FRMD8: variants seen among roughly 807,000 people sequenced by gnomAD.
FRMD8 encodes the protein FERM domain-containing protein 8.
A neutral mutation model predicts 54.2 loss-of-function variants in FRMD8; 37 were observed. The observed-to-expected ratio is 0.68, with a 90% CI of 0.53 to 0.90. The LOEUF is 0.90. Among genes scored for constraint, FRMD8 ranks in the 40% least tolerant of loss-of-function variants. FRMD8 has a pLI of 0.00. For synonymous variants in FRMD8, 246 were observed against 286.9 expected (o/e 0.86, Z 1.44); for missense variants, 585 against 653.7 (o/e 0.89, Z 1.15).
At position 65,394,021 on chromosome 11, in the gene FRMD8, G is replaced by A; in HGVS notation, c.356-20G>A. ...AAGCAGAGTGGGGATGCCCGGCAGT[G>A]ACCCAGCCTCTCTCCCCAGATGAGC... On this transcript the variant is annotated intron_variant, in intron 4 of 10. Coordinates refer to ENST00000317568, the MANE Select transcript of FRMD8 (RefSeq NM_031904.5). 1 of 1,613,828 alleles carries A rather than the reference G, an allele frequency of 6.2e-7. No homozygotes were observed. The highest frequency in any genetic ancestry group is 8.5e-7 in the Non-Finnish European group (1 of 1,179,742).
Position 65,393,597 on chromosome 11 carries a change from A to C in FRMD8, c.278A>C (p.Gln93Pro). Residue 93 changes from glutamine to proline, a missense_variant, in exon 4 of 11, where the codon CAG becomes CCG. Gln to Pro is a moderately conservative substitution (Grantham distance 76). Transcript: ENST00000317568. ...LLEVQLKPKH[Q>P]PYKLGRQWPE... ...GAGGTGCAGCTGAAACCCAAGCACC[A>C]GCCCTACAAGCTGGGACGCCAGTGG... is the stretch of plus-strand genomic sequence containing the variant. 1 of 1,608,960 alleles carries C rather than the reference A, an allele frequency of 6.2e-7. No individual in the cohort carries two copies. Among genetic ancestry groups the C allele is most frequent in the Non-Finnish European group, 8.5e-7 (1 of 1,179,948 alleles).
At chr11:65,408,648 T>C (rs761247715) in intron 10 of FRMD8, among the ~76,000 whole-genome samples, 7 of 151,900 alleles carry the variant, frequency 4.6e-5, no homozygotes, top group Non-Finnish European at 1.0e-4. Flanking sequence ...GATTTCACTC[T>C]AGTGCCTAGA....
Position 65,413,120 on chromosome 11 carries a change from C to G in FRMD8, c.*1760C>G, listed in dbSNP as rs574501457. On this transcript the variant is annotated 3_prime_UTR_variant, in exon 11 of 11. Transcript: ENST00000317568. Reference sequence around the variant, plus strand: ...TCTCCTGCCTCAGCCTCCTGAGTAGCTGGGATTACAGGTGCATGCCACCAG... The same window carrying G: ...TCTCCTGCCTCAGCCTCCTGAGTAGGTGGGATTACAGGTGCATGCCACCAG... 94 of 152,468 alleles carry G rather than the reference C, an allele frequency of 6.2e-4. No homozygotes were observed. The highest frequency in any genetic ancestry group is 2.1e-3 in the African/African-American group (88 of 41,584). 9.4% of individuals were successfully genotyped at this position (152,468 alleles called of 1,614,324 possible). A position where few individuals can be genotyped will look rare whatever the true frequency, so the allele number is the denominator to read the frequency against.
chr11:65,395,478 G>A (rs1007413927), intron 6 of FRMD8, among the ~76,000 whole-genome samples: 1 of 152,210 alleles, frequency 6.6e-6, no homozygotes, highest in African/African-American at 2.4e-5. Context: ...GATGGAGGTT[G>A]CAGTGAGCCG....
Position 65,411,307 on chromosome 11 carries a change from G to A in FRMD8, c.1342G>A (p.Gly448Ser). 6.2e-7 allele frequency: 1 copy of A among 1,609,164 alleles called. No homozygotes were observed. Among genetic ancestry groups the A allele is most frequent in the Non-Finnish European group, 8.5e-7 (1 of 1,179,072 alleles). ...CTTCTTCAGCCGGCAGCTGTCCTTG[G>A]GCCAGGGGAGCTACACCGTGGTGCA... Reference protein sequence around the residue: ...TSFFSRQLSLGQGSYTVVQPG... With the variant: ...TSFFSRQLSLSQGSYTVVQPG... Residue 448 changes from glycine to serine, a missense_variant, in exon 11 of 11, where the codon GGC (glycine) becomes AGC (serine). Gly to Ser is a moderately conservative substitution (Grantham distance 56). Coordinates refer to ENST00000317568, the MANE Select transcript of FRMD8 (RefSeq NM_031904.5).
At chr11:65,401,166 G>T (rs1055799005) in intron 9 of FRMD8, among the ~76,000 whole-genome samples, 28 of 152,048 alleles carry the variant, frequency 1.8e-4, no homozygotes, top group Middle Eastern at 3.4e-3. Flanking sequence ...CTCCCCTCCT[G>T]TCCCCAAGAC....
chr11:65,371,675 C>T, the FRMD8 span, among the ~76,000 whole-genome samples: 25 of 152,156 alleles, frequency 1.6e-4, no homozygotes, highest in Non-Finnish European at 3.5e-4. Flanking sequence ...AGTGCAATGG[C>T]GCGATTTTGG....
chr11:65,393,665 G>T lies in FRMD8; in HGVS notation c.346G>T (p.Val116Leu). ...CTTCACCAGTGCCCCAGACGATGAC[G>T]TGGCCATGGGTCAGTGCTGCTGCCT... is the stretch of plus-strand genomic sequence containing the variant. ...LRFTSAPDDD[V>L]AMDEPFLQFR... The change falls in exon 4 of 11, where the codon GTG becomes TTG. Residue 116 changes from valine (V) to leucine (L), a missense_variant. Transcript: ENST00000317568. 1 of 1,604,296 alleles carries T rather than the reference G, an allele frequency of 6.2e-7. No individual in the cohort carries two copies.
rs1005782168 is a variant in FRMD8 at position 65,396,112 on chromosome 11, C to T, written c.582-687C>T. On this transcript the variant is annotated intron_variant, in intron 6 of 10. Transcript: ENST00000317568. ...GGGGTGAAGAGGGGCCTGGTGACTC[C>T]TCGTGTCTTTCCCTTCGGCTCCTAT... 2.0e-5 allele frequency among the ~76,000 whole-genome samples: 3 copies of T among 152,204 alleles called. No homozygotes were observed. In the East Asian group the frequency reaches 5.8e-4, roughly 29 times the overall value.
intron 2 of FRMD8, among the ~76,000 whole-genome samples, chr11:65,388,398 A>G (rs1443403566): frequency 6.6e-6 from 1 of 152,172 alleles, no homozygotes; most frequent in African/African-American, 2.4e-5. Flanking sequence ...GGGTCCGAGG[A>G]GCACCTTCTC....
At chr11:65,390,259 C>G (rs1290674694) in intron 3 of FRMD8, among the ~76,000 whole-genome samples, 3 of 152,158 alleles carry the variant, frequency 2.0e-5, no homozygotes, top group South Asian at 2.1e-4. Context: ...CCCAGGGTCC[C>G]TCAGTGAACA....
chr11:65,381,939 C>T, upstream of FRMD8: 3 of 1,614,094 alleles, frequency 1.9e-6, no homozygotes, highest in East Asian at 4.5e-5. Context: ...GCCACAAATT[C>T]CTCCACCGGC....
chr11:65,400,923 T>G lies in FRMD8; in HGVS notation c.1071+56T>G, dbSNP rs1590656362. ...GGAGGCTGGGCCCAGGTGCCCTGGG[T>G]CCCAGACAATTAGAGGCACCAGGCT... On this transcript the variant is annotated intron_variant, in intron 9 of 10. Transcript: ENST00000317568. The surrounding 1 kb of genome is among the most constrained non-coding windows in gnomAD (Gnocchi z 4.3). 1 of 1,523,398 alleles carries G rather than the reference T, an allele frequency of 6.6e-7. No homozygotes were observed. Among genetic ancestry groups the G allele is most frequent in the Non-Finnish European group, 8.8e-7 (1 of 1,133,024 alleles). 94.4% of individuals were successfully genotyped at this position (1,523,398 alleles called of 1,614,324 possible). A position where few individuals can be genotyped will look rare whatever the true frequency, so the allele number is the denominator to read the frequency against.
the FRMD8 span, chr11:65,377,274 C>T: frequency 1.4e-6 from 2 of 1,416,000 alleles, no homozygotes; most frequent in African/African-American, 2.9e-5. Context: ...GGCCACCTCC[C>T]TTGGCATCAG....
upstream of FRMD8, among the ~76,000 whole-genome samples, chr11:65,385,149 A>C (rs1855710144): frequency 6.6e-6 from 1 of 152,130 alleles, no homozygotes; most frequent in African/African-American, 2.4e-5. Context: ...AACAACACTG[A>C]ACTCTTCTGC....
rs570912472 is a variant in FRMD8 at position 65,404,452 on chromosome 11, G to T, written c.1072-412G>T. Among the ~76,000 whole-genome samples, 1 of 152,092 alleles carries T rather than the reference G, an allele frequency of 6.6e-6. No individual in the cohort carries two copies. Among genetic ancestry groups the T allele is most frequent in the African/African-American group, 2.4e-5 (1 of 41,494 alleles). ...CAGGGAGCCGCCCGCCCCTGCCCTG[G>T]TGACATCGCGCCCCTTCCTCCTGGC... On this transcript the variant is annotated intron_variant, in intron 9 of 10. Transcript: ENST00000317568. The surrounding 1 kb of genome is among the most constrained non-coding windows in gnomAD (Gnocchi z 4.7).
At chr11:65,380,284 C>T in the FRMD8 span, 1 of 1,505,592 alleles carries the variant, frequency 6.6e-7, no homozygotes, top group South Asian at 1.1e-5. Context: ...AGAGCAGGGC[C>T]ATCTCAGACA....
chr11:65,398,536 C>T (rs1189615095), intron 7 of FRMD8, among the ~76,000 whole-genome samples: 4 of 152,234 alleles, frequency 2.6e-5, no homozygotes, highest in Admixed American at 6.5e-5. Context: ...GCTCCTAGCG[C>T]ATGCCCCGCT....
chr11:65,376,415 A>C, the FRMD8 span: 2 of 1,613,256 alleles, frequency 1.2e-6, no homozygotes, highest in Middle Eastern at 3.3e-4. Context: ...GCTCATCCCC[A>C]CCAGCGGAGG....
Sources: gnomAD v4.1 joint callset for allele counts (sites outside exome capture counted in the v4.1 genomes callset) on GRCh38, gnomAD v4.1.1 for gene constraint, Gnocchi (gnomAD v3.1) non-coding constraint, MANE v1.5 for transcripts, NCBI Gene and HGNC (gene_info 2026-07-23, HGNC 2026-07-21) for gene names.